The following GAB3 variants were observed in gnomAD, a reference collection of about 807,000 sequenced individuals.
The protein encoded by GAB3 is GRB2-associated-binding protein 3.
GAB3 carries 12 observed loss-of-function variants against 40.4 expected under a neutral mutation model. The ratio of observed to expected loss-of-function variants is 0.30; its 90% CI spans 0.19 to 0.48. GAB3 has a LOEUF of 0.48. Ranked by LOEUF, GAB3 falls within the 20% of genes least tolerant of loss-of-function variation. GAB3 has a pLI of 0.99. For synonymous variants in GAB3, 154 were observed against 176.7 expected (o/e 0.87, Z 1.02); for missense variants, 381 against 461.9 (o/e 0.82, Z 1.61).
intron 6 of GAB3, 107 bp downstream of exon 6, chrX:154,699,187 C>A: frequency 1.6e-6 from 1 of 626,161 alleles, no homozygotes; most frequent in Admixed American, 2.7e-5. Flanking sequence ...CACTTTCCGG[C>A]CCTCTGGGGT....
In GAB3 at chrX:154,717,064, A is replaced by T. The variant is rs926613006; in HGVS notation, c.73-735T>A. Among the ~76,000 whole-genome samples the T allele has an allele frequency of 1.5e-4, 17 of 112,038 alleles. 1 individual carries two copies. The highest frequency in any genetic ancestry group is 5.5e-4 in the African/African-American group (17 of 30,756). On this transcript the variant is annotated intron_variant, in intron 1 of 9. Transcript: ENST00000424127. Reference sequence around the variant, plus strand: ...CTTATGTCTGATAAAATTGAGGTTCAGAGAGATTAAGTAATGTGCTCAAGG... The same window carrying T: ...CTTATGTCTGATAAAATTGAGGTTCTGAGAGATTAAGTAATGTGCTCAAGG...
At chrX:154,692,235 TGA>T (rs1347465529) in intron 8 of GAB3, among the ~76,000 whole-genome samples, 1 of 111,272 alleles carries the variant, frequency 9.0e-6, no homozygotes, top group Non-Finnish European at 1.9e-5. Flanking sequence ...ACCCACAGAA[TGA>T]GAGAAAATAT....
Position 154,699,346 on chromosome X carries a change from A to C in GAB3, c.1293T>G (p.Pro431=). 1 of 1,211,006 alleles carries C rather than the reference A, an allele frequency of 8.3e-7. No homozygotes were observed. The highest frequency in any genetic ancestry group is 1.7e-5 in the African/African-American group (1 of 57,669). ...TCACTGGGGGAGGTTCCAGGTTTGCAGGCAGCTCAGGCAACGGGCTTGAGA... is the reference window on the plus strand; with the variant it reads ...TCACTGGGGGAGGTTCCAGGTTTGCCGGCAGCTCAGGCAACGGGCTTGAGA... The part of the protein sequence containing the change: ...GSISSPLPEL[P]ANLEPPPVNR... The change falls in exon 6 of 10, where the codon CCT becomes CCG. Residue 431 remains proline, a synonymous_variant. Transcript: ENST00000424127.
At chrX:154,694,962 T>A (rs1421677173) in intron 8 of GAB3, among the ~76,000 whole-genome samples, 1 of 112,373 alleles carries the variant, frequency 8.9e-6, no homozygotes, top group Non-Finnish European at 1.9e-5. Flanking sequence ...ACTTACAGCA[T>A]GATTTGAATA....
rs782099111 is a variant in GAB3 at position 154,712,662 on chromosome X, A to G, written c.636T>C (p.Arg212=). 4 of 1,133,727 alleles carry G rather than the reference A, an allele frequency of 3.5e-6. No individual in the cohort carries two copies. The highest frequency in any genetic ancestry group is 4.7e-6 in the Non-Finnish European group (4 of 858,299). The allele number at this position is 1,133,727 out of a possible 1,213,427, so 93.4% of individuals were successfully genotyped here. ...TRCDSWSNSD[R]SLEQASFDDV... is the part of the protein sequence containing the mutation. ...CATCAAATGAAGCCTGTTCCAATGA[A>G]CGGTCTGAGTTTGACCAGCTATCAC... is the stretch of plus-strand genomic sequence containing the variant. Residue 212 remains arginine, a synonymous_variant, in exon 4 of 10, where the codon CGT becomes CGC. Transcript: ENST00000424127.
At chrX:154,698,930 C>T (rs2070700607) in intron 6 of GAB3, among the ~76,000 whole-genome samples, 1 of 112,185 alleles carries the variant, frequency 8.9e-6, no homozygotes, top group Non-Finnish European at 1.9e-5. Flanking sequence ...ACTATGATTA[C>T]ATTCAAGTGC....
intron 8 of GAB3, among the ~76,000 whole-genome samples, chrX:154,684,692 G>A (rs1319555154): frequency 9.0e-6 from 1 of 110,759 alleles, no homozygotes; most frequent in Non-Finnish European, 1.9e-5. Context: ...CTTTTGTAGG[G>A]TTTTTCTAAA....
intron 4 of GAB3, among the ~76,000 whole-genome samples, chrX:154,712,004 C>A (rs2070956858): frequency 8.9e-6 from 1 of 112,157 alleles, no homozygotes. Context: ...ATGCTTCCAC[C>A]AAGGATCCAG....
Position 154,678,290 on chromosome X carries a change from A to C in GAB3, c.1652T>G (p.Leu551Arg). The C allele has an allele frequency of 9.3e-7, 1 of 1,080,120 alleles. No homozygotes were observed. Among genetic ancestry groups the C allele is most frequent in the Non-Finnish European group, 1.3e-6 (1 of 783,982 alleles). The allele number at this position is 1,080,120 out of a possible 1,213,427, so 89.0% of individuals were successfully genotyped here. A position where few individuals can be genotyped will look rare whatever the true frequency, so the allele number is the denominator to read the frequency against. Residue 551 changes from leucine to arginine, a missense_variant, in exon 10 of 10, where the codon CTT becomes CGT. Coordinates refer to ENST00000424127, the MANE Select transcript of GAB3 (RefSeq NM_001081573.3). Reference protein sequence around the residue: ...SASPAPMQQKLLLSEEQRVDY... With the variant: ...SASPAPMQQKRLLSEEQRVDY... Reference sequence around the variant, plus strand: ...TACTCTTTGTTCTTCTGAAAGGAGAAGTTTCTGAAGGAGGAGAACAAAAAG... The same window carrying C: ...TACTCTTTGTTCTTCTGAAAGGAGACGTTTCTGAAGGAGGAGAACAAAAAG...
In GAB3 at chrX:154,677,285, G is replaced by T. The variant is rs1274218835; in HGVS notation, c.*893C>A. On this transcript the variant is annotated 3_prime_UTR_variant, in exon 10 of 10. Transcript: ENST00000424127. ...ATGACTACTCATTTTGTGTCTGCAG[G>T]TGTTTCCCACATGTCTCCAAGGCTC... 8.9e-6 allele frequency: 1 copy of T among 111,810 alleles called. No homozygotes were observed. Among genetic ancestry groups the T allele is most frequent in the Non-Finnish European group, 1.9e-5 (1 of 53,115 alleles). 9.2% of individuals were successfully genotyped at this position (111,810 alleles called of 1,213,427 possible). A position where few individuals can be genotyped will look rare whatever the true frequency, so the allele number is the denominator to read the frequency against.
chrX:154,696,113 C>A, intron 7 of GAB3, 94 bp from the exon 8 acceptor site: 1 of 447,596 alleles, frequency 2.2e-6, no homozygotes, highest in Non-Finnish European at 3.8e-6. Context: ...GGGTTTCAGC[C>A]CTCCTCTTCC....
In GAB3 at chrX:154,699,329, G is replaced by A; in HGVS notation, c.1310C>T (p.Pro437Leu). The A allele has an allele frequency of 8.3e-7, 1 of 1,210,500 alleles. No homozygotes were observed. The highest frequency in any genetic ancestry group is 1.1e-6 in the Non-Finnish European group (1 of 894,509). Residue 437 changes from proline to leucine, a missense_variant, in exon 6 of 10, where the codon CCC (proline) becomes CTC (leucine). Pro to Leu is a moderately conservative substitution (Grantham distance 98). Around this residue, in one of 2 missense-constraint regions of GAB3, gnomAD observed 364 missense variants for 421.0 expected, o/e 0.86. Transcript: ENST00000424127. ...LPELPANLEP[P>L]PVNRDLKPQR... The stretch of plus-strand genomic sequence containing the variant: ...AGGCTTGAGATCTCTATTCACTGGG[G>A]GAGGTTCCAGGTTTGCAGGCAGCTC...
intron 9 of GAB3, chrX:154,679,013 C>T (rs1205567579): frequency 8.6e-5 from 22 of 256,135 alleles, no homozygotes; most frequent in Non-Finnish European, 1.5e-4. Flanking sequence ...AAAAAACAGC[C>T]GTGGGTGATG....
intron 8 of GAB3, among the ~76,000 whole-genome samples, chrX:154,690,246 C>A (rs2070534549): frequency 9.0e-6 from 1 of 110,924 alleles, no homozygotes; most frequent in Non-Finnish European, 1.9e-5. Flanking sequence ...CCCTTCCTTA[C>A]ACCTTATACA....
At chrX:154,749,245 A>G (rs1234701659) in intron 1 of GAB3, among the ~76,000 whole-genome samples, 2 of 112,707 alleles carry the variant, frequency 1.8e-5, no homozygotes, top group East Asian at 5.5e-4. Flanking sequence ...AGTTGATGAA[A>G]TACTAATAAA....
intron 1 of GAB3, among the ~76,000 whole-genome samples, chrX:154,749,536 T>C (rs1465236850): frequency 8.9e-6 from 1 of 112,276 alleles, no homozygotes; most frequent in East Asian, 2.8e-4. Context: ...AGCAGCTGGA[T>C]AATGCAGAGG....
rs1557256720 is a variant in GAB3 at position 154,713,221 on chromosome X, T to C, written c.582A>G (p.Arg194=). Residue 194 remains arginine (R), a synonymous_variant, in exon 3 of 10, where the codon AGA becomes AGG. Transcript: ENST00000424127. ...CATAAGCATACCTGGTATGGTGCAG[T>C]CTTCCAGTCTCGCAGTTGGACAAAA... ...YLVLSNCETG[R]LHHTSLPTRC... The C allele has an allele frequency of 5.8e-6, 7 of 1,208,407 alleles. No homozygotes were observed. Among genetic ancestry groups the C allele is most frequent in the Admixed American group, 2.2e-5 (1 of 46,047 alleles).
chrX:154,690,457 A>G (rs1557249040), intron 8 of GAB3, among the ~76,000 whole-genome samples: 1 of 111,997 alleles, frequency 8.9e-6, no homozygotes. Flanking sequence ...CAGCAAAAGA[A>G]ACTACCATCA....
chrX:154,728,674 C>T (rs782697683), intron 1 of GAB3, among the ~76,000 whole-genome samples: 5 of 112,459 alleles, frequency 4.4e-5, no homozygotes, highest in Non-Finnish European at 7.5e-5. Context: ...AACCAAGCCA[C>T]ACCCAGTAAA....
Sources: allele counts gnomAD v4.1 joint callset (sites outside exome capture counted in the v4.1 genomes callset), GRCh38; gene constraint gnomAD v4.1.1; regional missense constraint gnomAD v4.1.1; transcripts MANE v1.5; gene names NCBI Gene and HGNC (gene_info 2026-07-23, HGNC 2026-07-21).